Variants in CPE observed in about 807,000 individuals in gnomAD.
CPE encodes the protein carboxypeptidase E.
CPE carries 17 observed loss-of-function variants against 53.5 expected under a neutral mutation model. The ratio of observed to expected loss-of-function variants is 0.32; its 90% confidence interval spans 0.22 to 0.48. The LOEUF (loss-of-function observed/expected upper bound fraction) is 0.48. Among genes scored for constraint, CPE ranks in the 20% least tolerant of loss-of-function variants. The pLI is 0.99. For synonymous variants in CPE, 226 were observed against 228.8 expected (o/e 0.99, Z 0.11); for missense variants, 524 against 614.7 (o/e 0.85, Z 1.56).
At chr4:165,493,059 G>A (rs79474947) in intron 6 of CPE, 112 bp from the exon 7 acceptor site, 8 of 648,018 alleles carry the variant, frequency 1.2e-5, no homozygotes, top group Admixed American at 2.9e-5. Flanking sequence ...AACAATGGGG[G>A]TCTACGGTAT....
At chr4:165,382,879 T>A (rs1730525414) in intron 1 of CPE, among the ~76,000 whole-genome samples, 1 of 152,238 alleles carries the variant, frequency 6.6e-6, no homozygotes. Flanking sequence ...CAAATTCCAT[T>A]TTGAATTGGT....
In CPE at chr4:165,459,732, A is replaced by G. The variant is rs961520377; in HGVS notation, c.308-4658A>G. Among the ~76,000 whole-genome samples the G allele has an allele frequency of 2.0e-5, 3 of 148,676 alleles. No individual in the cohort carries two copies. In the South Asian group the frequency reaches 6.4e-4, roughly 32 times the overall value. On this transcript the variant is annotated intron_variant, in intron 1 of 8. Coordinates refer to ENST00000402744, the MANE Select transcript of CPE (RefSeq NM_001873.4). ...GGAGTTCGAGACCAGCTTGGCCAAT[A>G]TGGTGAAACCCTGTCTGTACTAAAA... is the stretch of plus-strand genomic sequence containing the variant.
At chr4:165,491,553 CTTTTCA>C (rs1732605837) in intron 6 of CPE, among the ~76,000 whole-genome samples, 5 of 152,030 alleles carry the variant, frequency 3.3e-5, no homozygotes, top group African/African-American at 1.2e-4. Flanking sequence ...ATTTCAAACT[CTTTTCA>C]ATTTTGGTTG....
chr4:165,438,472 C>T (rs1303829256), intron 1 of CPE, among the ~76,000 whole-genome samples: 1 of 152,098 alleles, frequency 6.6e-6, no homozygotes, highest in Admixed American at 6.6e-5. Flanking sequence ...CAATTTCCCC[C>T]TCCATTGGTG....
intron 1 of CPE, among the ~76,000 whole-genome samples, chr4:165,463,425 A>G (rs767788649): frequency 2.0e-5 from 3 of 152,162 alleles, no homozygotes; most frequent in Non-Finnish European, 2.9e-5. Context: ...TATGGGCTAG[A>G]ATCTATTGTT....
intron 6 of CPE, 26 bp from the exon 7 acceptor site, chr4:165,493,145 T>G (rs200971710): frequency 1.4e-6 from 2 of 1,469,448 alleles, no homozygotes; most frequent in South Asian, 1.2e-5. Context: ...TCATATTAAT[T>G]TTTTGGTTAT....
At chr4:165,451,299 G>A (rs1206878654) in intron 1 of CPE, among the ~76,000 whole-genome samples, 1 of 152,018 alleles carries the variant, frequency 6.6e-6, no homozygotes, top group South Asian at 2.1e-4. Context: ...TATTCCTGTT[G>A]GAAGTTTCTA....
chr4:165,476,202 C>T (rs72703698), intron 3 of CPE, among the ~76,000 whole-genome samples: 23,261 of 152,122 alleles, frequency 0.15, 2,041 homozygotes, highest in East Asian at 0.24. Context: ...AAGTAAAGTA[C>T]ACTTGGAAGT....
chr4:165,392,317 T>C (rs1730695343), intron 1 of CPE, among the ~76,000 whole-genome samples: 2 of 146,750 alleles, frequency 1.4e-5, no homozygotes, highest in South Asian at 4.2e-4. Flanking sequence ...ATATCATGTA[T>C]TGTAAATATA....
intron 1 of CPE, among the ~76,000 whole-genome samples, chr4:165,442,085 C>T (rs894704932): frequency 2.2e-5 from 3 of 138,678 alleles, no homozygotes; most frequent in Non-Finnish European, 3.0e-5. Flanking sequence ...CTCTGTCACC[C>T]AGGCTGGAGT....
At chr4:165,429,776 C>T (rs35173790) in intron 1 of CPE, among the ~76,000 whole-genome samples, 44,829 of 151,604 alleles carry the variant, frequency 0.3, 6,711 homozygotes, top group Middle Eastern at 0.39. Context: ...AATACACATA[C>T]ACATAATGTA....
intron 1 of CPE, among the ~76,000 whole-genome samples, chr4:165,413,473 T>G (rs2126669059): frequency 6.6e-6 from 1 of 152,330 alleles, no homozygotes; most frequent in East Asian, 1.9e-4. Flanking sequence ...TGATGCCATA[T>G]TTGAGGCAGA....
At chr4:165,387,363 T>C (rs1269947621) in intron 1 of CPE, among the ~76,000 whole-genome samples, 11 of 152,242 alleles carry the variant, frequency 7.2e-5, no homozygotes, top group African/African-American at 2.7e-4. Flanking sequence ...CAGAAATCTC[T>C]TTACTATCAA....
chr4:165,404,072 T>C (rs1377891356), intron 1 of CPE: 3 of 974,144 alleles, frequency 3.1e-6, no homozygotes, highest in Non-Finnish European at 1.7e-6. Context: ...TGCTCACTGA[T>C]GAAACTTCTT....
chr4:165,380,105 G>A (rs1195124157), intron 1 of CPE, among the ~76,000 whole-genome samples: 2 of 152,146 alleles, frequency 1.3e-5, no homozygotes, highest in East Asian at 3.9e-4. Flanking sequence ...GTGTGTATAC[G>A]TATTAGGTAC....
At chr4:165,441,597 C>T (rs538351864) in intron 1 of CPE, among the ~76,000 whole-genome samples, 11 of 152,248 alleles carry the variant, frequency 7.2e-5, no homozygotes, top group South Asian at 2.1e-4. Flanking sequence ...GTTCCAATTA[C>T]GCCTAATTAT....
At chr4:165,411,246 G>A (rs1254063945) in intron 1 of CPE, among the ~76,000 whole-genome samples, 1 of 152,182 alleles carries the variant, frequency 6.6e-6, no homozygotes, top group African/African-American at 2.4e-5. Context: ...TCGCCTAAGA[G>A]AGGTGCTATT....
intron 1 of CPE, among the ~76,000 whole-genome samples, chr4:165,399,397 C>T (rs1287966158): frequency 1.3e-5 from 2 of 152,098 alleles, no homozygotes; most frequent in African/African-American, 4.8e-5. Context: ...GAGAAAGAGT[C>T]TCTGTCACCC....
intron 1 of CPE, among the ~76,000 whole-genome samples, chr4:165,408,498 A>G (rs1730987838): frequency 1.3e-5 from 2 of 152,216 alleles, no homozygotes; most frequent in African/African-American, 4.8e-5. Context: ...AAGATAGCAA[A>G]CAACTTGATT....
Sources: allele counts gnomAD v4.1 joint callset (sites outside exome capture counted in the v4.1 genomes callset), GRCh38; gene constraint gnomAD v4.1.1; transcripts MANE v1.5; gene names NCBI Gene and HGNC (gene_info 2026-07-23, HGNC 2026-07-21).